CDK15: variants seen among roughly 807,000 people sequenced by gnomAD.
CDK15 encodes the protein cyclin-dependent kinase 15.
Under a neutral mutation model 60.3 loss-of-function variants are expected in CDK15, and 62 were observed. The ratio of observed to expected loss-of-function variants is 1.03; its 90% confidence interval spans 0.84 to 1.27. The LOEUF is 1.27. Ranked by LOEUF, CDK15 falls within the 50% of genes most tolerant of loss-of-function variation. The pLI is 0.00. For missense variants in CDK15, 541 were observed against 527.8 expected, an observed-to-expected ratio of 1.03 and a Z score of -0.25; for synonymous variants, 194 against 195.7, an observed-to-expected ratio of 0.99 and a Z score of 0.07.
At chr2:201,885,190 A>G (rs1327599362) in intron 12 of CDK15, among the ~76,000 whole-genome samples, 1 of 152,214 alleles carries the variant, frequency 6.6e-6, no homozygotes, top group Non-Finnish European at 1.5e-5. Flanking sequence ...CCTTTTTGCA[A>G]CAATTTAAAC....
intron 10 of CDK15, among the ~76,000 whole-genome samples, chr2:201,865,803 T>A (rs1050416903): frequency 1.4e-5 from 2 of 146,656 alleles, no homozygotes; most frequent in Non-Finnish European, 3.0e-5. Context: ...GGCAGGAGAA[T>A]CTCTTGAACC....
chr2:201,873,602 C>A (rs1698947600), intron 11 of CDK15, among the ~76,000 whole-genome samples: 1 of 152,218 alleles, frequency 6.6e-6, no homozygotes, highest in African/African-American at 2.4e-5. Context: ...ACCAGCCTTT[C>A]TTTCGAGGGC....
chr2:201,809,713 A>G (rs17469690), intron 3 of CDK15, among the ~76,000 whole-genome samples: 22,738 of 152,102 alleles, frequency 0.15, 2,205 homozygotes, highest in Middle Eastern at 0.26. Flanking sequence ...ACAAGACCCT[A>G]TAGAATCCCT....
At position 201,892,021 on chromosome 2, in the gene CDK15, C is replaced by T. The variant is rs112174887; in HGVS notation, c.*33+1094C>T. On this transcript the variant is annotated intron_variant, in intron 13 of 13. Coordinates refer to ENST00000652192, the MANE Select transcript of CDK15 (RefSeq NM_001366386.2). ...TTTTGATCTCTATCTTTGGCTGTCACGATTTAAAGGCATATACACATTAAA... is the reference window on the plus strand; with the variant it reads ...TTTTGATCTCTATCTTTGGCTGTCATGATTTAAAGGCATATACACATTAAA... Among the ~76,000 whole-genome samples the T allele has an allele frequency of 4.8e-3, 731 of 152,260 alleles. 8 individuals are homozygous for T. The highest frequency in any genetic ancestry group is 0.016 in the African/African-American group (660 of 41,554).
intron 10 of CDK15, among the ~76,000 whole-genome samples, chr2:201,856,463 T>G (rs1199472400): frequency 6.6e-6 from 1 of 152,198 alleles, no homozygotes; most frequent in Non-Finnish European, 1.5e-5. Flanking sequence ...TTCTAGAGTT[T>G]AACACGTGAG....
chr2:201,833,870 G>C lies in CDK15; in HGVS notation c.629G>C (p.Arg210Pro), dbSNP rs115873067. ...NVRLFMFQLL[R>P]GLAYIHHQHV... The stretch of plus-strand genomic sequence containing the variant: ...CAGCTTTTCATGTTTCAACTTTTGC[G>C]GGGCCTGGCGTACATCCACCACCAA... The change falls in exon 7 of 14, where the codon CGG becomes CCG. Residue 210 changes from arginine (R) to proline (P), a missense_variant. By Grantham distance (103) the Arg-to-Pro change is moderately radical. Transcript: ENST00000652192. The C allele has an allele frequency of 6.2e-7, 1 of 1,613,306 alleles. No individual in the cohort carries two copies. Among genetic ancestry groups the C allele is most frequent in the Non-Finnish European group, 8.5e-7 (1 of 1,179,698 alleles).
At chr2:201,812,454 G>GT in intron 3 of CDK15, 29 bp from the exon 4 acceptor site, 1 of 1,535,500 alleles carries the variant, frequency 6.5e-7, no homozygotes, top group Non-Finnish European at 9.0e-7. Context: ...ACCTCAATAA[G>GT]TGTGTGCCCC....
chr2:201,835,561 A>G (rs955242358), intron 7 of CDK15, 82 bp from the exon 8 acceptor site: 4 of 1,351,172 alleles, frequency 3.0e-6, no homozygotes, highest in Non-Finnish European at 2.9e-6. Flanking sequence ...ATTTTTTCTA[A>G]TGGTGTTTAC....
intron 6 of CDK15, chr2:201,824,768 G>T (rs1696391308): frequency 1.4e-6 from 1 of 719,000 alleles, no homozygotes; most frequent in East Asian, 5.9e-5. Flanking sequence ...GAGCTTCAGC[G>T]CCTAATGATG....
chr2:201,887,289 A>G (rs1699485615), intron 12 of CDK15, among the ~76,000 whole-genome samples: 1 of 152,250 alleles, frequency 6.6e-6, no homozygotes, highest in Non-Finnish European at 1.5e-5. Context: ...AGTATCTCTG[A>G]AAATTAATAT....
chr2:201,847,880 T>C (rs1372947192), intron 9 of CDK15, among the ~76,000 whole-genome samples: 1 of 152,178 alleles, frequency 6.6e-6, no homozygotes, highest in Non-Finnish European at 1.5e-5. Flanking sequence ...GTGCAGTGGC[T>C]CATGCCTGTA....
rs778055501 is a variant in CDK15, at chr2:201,859,398, C to T, written c.1009+4461C>T. Among the ~76,000 whole-genome samples, 13 of 152,188 alleles carry T rather than the reference C, an allele frequency of 8.5e-5. No individual in the cohort carries two copies. The East Asian group carries it at 9.6e-4, about 11-fold the overall frequency. ...TTCTTAGCTCTCCCTACCACTCCCA[C>T]GAAAATGCACTCAGGAGCCACTCCG... On this transcript the variant is annotated intron_variant, in intron 10 of 13. Transcript: ENST00000652192.
chr2:201,807,820 C>T, intron 2 of CDK15, 38 bp from the exon 3 acceptor site: 1 of 1,581,948 alleles, frequency 6.3e-7, no homozygotes, highest in South Asian at 1.2e-5. Context: ...TTCTCTCTTC[C>T]CTTTCACCCG....
At chr2:201,874,052 TCAAAA>T (rs1173273046) in intron 11 of CDK15, among the ~76,000 whole-genome samples, 1 of 25,050 alleles carries the variant, frequency 4.0e-5, no homozygotes, top group Non-Finnish European at 8.0e-5. Flanking sequence ...AGACTCCGTC[TCAAAA>T]AAAAAAAAAA....
At chr2:201,891,938 T>A (rs1699651484) in intron 13 of CDK15, among the ~76,000 whole-genome samples, 1 of 152,152 alleles carries the variant, frequency 6.6e-6, no homozygotes, top group Admixed American at 6.5e-5. Flanking sequence ...CACCGGTATC[T>A]CCCTACACAC....
Position 201,807,944 on chromosome 2 carries a change from G to T in CDK15, c.360G>T (p.Gly120=). ...GEGSYATVYK[G]ISRINGQLVA... is the part of the protein sequence containing the mutation. The stretch of plus-strand genomic sequence containing the variant: ...GCTCTTATGCGACAGTTTACAAGGG[G>T]ATTAGCAGGTGAGTGACACATAGCT... The change falls in exon 3 of 14, where the codon GGG becomes GGT. Residue 120 remains glycine, a synonymous_variant. Transcript: ENST00000652192. The T allele has an allele frequency of 6.2e-7, 1 of 1,613,674 alleles. No homozygotes were observed.
intron 11 of CDK15, among the ~76,000 whole-genome samples, chr2:201,875,949 T>G (rs1299386306): frequency 6.6e-6 from 1 of 152,214 alleles, no homozygotes; most frequent in Non-Finnish European, 1.5e-5. Flanking sequence ...GAAGGACTGA[T>G]TTATCACAGG....
chr2:201,839,949 G>A lies in CDK15; in HGVS notation c.851+4186G>A, dbSNP rs530212946. ...GAAGAATGTGTGTGTCCACCCAATT[G>A]TTGAGTGCTGCTGGGGTTTTTTTTT... On this transcript the variant is annotated intron_variant, in intron 8 of 13. Transcript: ENST00000652192. Among the ~76,000 whole-genome samples, 31 of 151,880 alleles carry A rather than the reference G, an allele frequency of 2.0e-4. 1 individual carries two copies. In the South Asian group the frequency reaches 6.1e-3, roughly 30 times the overall value.
chr2:201,821,215 C>T (rs1325235617), intron 4 of CDK15, among the ~76,000 whole-genome samples: 1 of 152,040 alleles, frequency 6.6e-6, no homozygotes, highest in Non-Finnish European at 1.5e-5. Flanking sequence ...AGGGCTCTGC[C>T]AAACTTGGGT....
Sources: gnomAD v4.1 joint callset for allele counts (sites outside exome capture counted in the v4.1 genomes callset) on GRCh38, gnomAD v4.1.1 for gene constraint, MANE v1.5 for transcripts, NCBI Gene and HGNC (gene_info 2026-07-23, HGNC 2026-07-21) for gene names.